Variants in GRID2 observed in about 807,000 individuals in gnomAD.
GRID2 encodes glutamate receptor ionotropic, delta-2.
A neutral mutation model predicts 114.8 loss-of-function variants in GRID2; 33 were observed. The observed-to-expected ratio is 0.29, with a 90% CI of 0.22 to 0.38. The LOEUF (loss-of-function observed/expected upper bound fraction) is 0.38, where lower values mean the gene tolerates loss of function less well. Among genes scored for constraint, GRID2 ranks in the 10% least tolerant of loss-of-function variants. The pLI, the probability that GRID2 is intolerant of heterozygous loss-of-function variation, is 1.00. For missense variants in GRID2, 1,184 were observed against 1,257.7 expected, an observed-to-expected ratio of 0.94 and a Z score of 0.89; for synonymous variants, 505 against 449.9, an observed-to-expected ratio of 1.12 and a Z score of -1.55.
intron 2 of GRID2, among the ~76,000 whole-genome samples, chr4:92,977,759 G>A (rs1231548335): frequency 2.0e-5 from 3 of 152,090 alleles, no homozygotes; most frequent in Non-Finnish European, 4.4e-5. Context: ...AGGATTTCCT[G>A]GTCAGGTGGA....
Position 92,652,066 on chromosome 4 carries a change from G to A in GRID2, c.244+61780G>A, listed in dbSNP as rs138063906. ...GGCCTCCTCAGGATCAATCACATAC[G>A]TACCATTTCCATTTGAAGATGCAGT... On this transcript the variant is annotated intron_variant, in intron 2 of 15. Transcript: ENST00000282020. 8.3e-4 allele frequency among the ~76,000 whole-genome samples: 126 copies of A among 152,154 alleles called. 1 individual carries two copies. The Middle Eastern group carries it at 0.024, about 29-fold the overall frequency.
In GRID2 at chr4:93,097,358, A is replaced by T. The variant is rs72887607; in HGVS notation, c.529+12079A>T. 7.4e-3 allele frequency among the ~76,000 whole-genome samples: 1,121 copies of T among 152,146 alleles called. 22 individuals carry two copies. Among genetic ancestry groups the T allele is most frequent in the African/African-American group, 0.026 (1,071 of 41,540 alleles). On this transcript the variant is annotated intron_variant, in intron 3 of 15. Transcript: ENST00000282020. Reference sequence around the variant, plus strand: ...GTAAAGGAAAGGAAAAAGGAAAAAAAAACAATTTACAGAAATATCATAATT... The same window carrying T: ...GTAAAGGAAAGGAAAAAGGAAAAAATAACAATTTACAGAAATATCATAATT...
intron 4 of GRID2, among the ~76,000 whole-genome samples, chr4:93,115,575 G>A (rs749884468): frequency 6.6e-6 from 1 of 152,020 alleles, no homozygotes; most frequent in Non-Finnish European, 1.5e-5. Context: ...CTTGGTAAAT[G>A]TATTAGTCCA....
downstream of GRID2, among the ~76,000 whole-genome samples, chr4:93,779,079 C>T (rs1366806445): frequency 6.6e-6 from 1 of 152,048 alleles, no homozygotes; most frequent in Non-Finnish European, 1.5e-5. Flanking sequence ...ACATGTACAG[C>T]CTCCAAAGTT....
intron 4 of GRID2, among the ~76,000 whole-genome samples, chr4:93,202,954 C>G (rs542757901): frequency 5.9e-5 from 9 of 151,892 alleles, no homozygotes; most frequent in South Asian, 2.1e-4. Context: ...ATATATCATA[C>G]TACTATACAT....
rs1027218076 is a variant in GRID2 at position 92,654,987 on chromosome 4, G to GT, written c.244+64708dup. Among the ~76,000 whole-genome samples, 10 of 151,808 alleles carry GT rather than the reference G, an allele frequency of 6.6e-5. No individual in the cohort carries two copies. In the East Asian group the frequency reaches 7.8e-4, roughly 12 times the overall value. On this transcript the variant is annotated intron_variant, in intron 2 of 15. Coordinates refer to ENST00000282020, the MANE Select transcript of GRID2 (RefSeq NM_001510.4). Reference sequence around the variant, plus strand: ...TAGCCTGATGTCCTGAAGAGTGTTTGTTTTTTTACGGTTTCTTATAGTAAT... The same window carrying GT: ...TAGCCTGATGTCCTGAAGAGTGTTTGTTTTTTTTACGGTTTCTTATAGTAAT...
chr4:92,557,034 G>T (rs1369571853), intron 1 of GRID2, among the ~76,000 whole-genome samples: 2 of 152,012 alleles, frequency 1.3e-5, no homozygotes, highest in African/African-American at 2.4e-5. Context: ...TTGCCCAACA[G>T]AGAAAACGAT....
chr4:93,294,522 A>ATC (rs1754086472), intron 8 of GRID2, among the ~76,000 whole-genome samples: 1 of 152,138 alleles, frequency 6.6e-6, no homozygotes, highest in Non-Finnish European at 1.5e-5. Flanking sequence ...CTAGGATATT[A>ATC]ATGCAATAAG....
At chr4:93,392,441 C>T (rs1764947371) in intron 8 of GRID2, among the ~76,000 whole-genome samples, 1 of 152,074 alleles carries the variant, frequency 6.6e-6, no homozygotes, top group African/African-American at 2.4e-5. Flanking sequence ...AGAAACATTA[C>T]CAGTTGCAGA....
At chr4:93,290,308 A>G (rs956692120) in intron 8 of GRID2, among the ~76,000 whole-genome samples, 1 of 152,134 alleles carries the variant, frequency 6.6e-6, no homozygotes, top group Admixed American at 6.5e-5. Context: ...GGGTAGAAAG[A>G]GGTGTTCGGA....
intron 1 of GRID2, among the ~76,000 whole-genome samples, chr4:92,585,030 G>A (rs1728362649): frequency 6.6e-6 from 1 of 151,930 alleles, no homozygotes; most frequent in African/African-American, 2.4e-5. Flanking sequence ...TTCCACTATG[G>A]CTTTATTAAA....
At chr4:92,733,739 A>C (rs1182155793) in intron 2 of GRID2, among the ~76,000 whole-genome samples, 1 of 152,084 alleles carries the variant, frequency 6.6e-6, no homozygotes, top group African/African-American at 2.4e-5. Flanking sequence ...CACTGAGTTA[A>C]ATCAAGTGTA....
intron 12 of GRID2, among the ~76,000 whole-genome samples, chr4:93,514,411 C>T (rs1202108848): frequency 6.8e-6 from 1 of 146,464 alleles, no homozygotes; most frequent in Non-Finnish European, 1.5e-5. Context: ...TCGCTCCCCC[C>T]ACCTCCACAG....
rs556501897 is a variant in GRID2, at chr4:93,511,758, T to C, written c.1998-3458T>C. 2.0e-5 allele frequency among the ~76,000 whole-genome samples: 3 copies of C among 151,978 alleles called. No individual in the cohort carries two copies. In the East Asian group the frequency reaches 5.8e-4, roughly 29 times the overall value. ...CAGATAACACTTCTCTGGAGTACTC[T>C]AGATTTTTCCATTCCTTCTTCTTTT... is the stretch of plus-strand genomic sequence containing the variant. On this transcript the variant is annotated intron_variant, in intron 12 of 15. Transcript: ENST00000282020.
chr4:92,754,874 T>C (rs1402429743), intron 2 of GRID2, among the ~76,000 whole-genome samples: 1 of 152,230 alleles, frequency 6.6e-6, no homozygotes, highest in African/African-American at 2.4e-5. Flanking sequence ...ATGTATATTT[T>C]ATATCTCATT....
intron 2 of GRID2, among the ~76,000 whole-genome samples, chr4:92,651,673 GC>G (rs1731940757): frequency 6.6e-6 from 1 of 152,020 alleles, no homozygotes; most frequent in Non-Finnish European, 1.5e-5. Flanking sequence ...AGAATAGCCA[GC>G]CAAATCATTG....
intron 2 of GRID2, among the ~76,000 whole-genome samples, chr4:92,715,485 A>G (rs1735496033): frequency 6.6e-6 from 1 of 151,908 alleles, no homozygotes; most frequent in Admixed American, 6.6e-5. Flanking sequence ...CTATCAATTT[A>G]CTGTATTATT....
intron 8 of GRID2, chr4:93,306,442 A>C (rs1755429888): frequency 6.6e-6 from 1 of 152,234 alleles, no homozygotes; most frequent in South Asian, 2.1e-4. Context: ...TGGGAGAGGA[A>C]GGGAAGGTGG....
At chr4:93,021,774 T>C (rs1236768858) in intron 2 of GRID2, among the ~76,000 whole-genome samples, 2 of 146,286 alleles carry the variant, frequency 1.4e-5, no homozygotes, top group South Asian at 2.1e-4. Flanking sequence ...TTATAATATT[T>C]ACAATATGTA....
Sources: gnomAD v4.1 joint callset for allele counts (sites outside exome capture counted in the v4.1 genomes callset) on GRCh38, gnomAD v4.1.1 for gene constraint, MANE v1.5 for transcripts, NCBI Gene and HGNC (gene_info 2026-07-23, HGNC 2026-07-21) for gene names.